Variants in DNAH11 observed in about 807,000 individuals in gnomAD.
DNAH11 encodes axonemal beta dynein heavy chain 11.
Under a neutral mutation model 526.0 loss-of-function variants are expected in DNAH11, and 442 were observed. That is an observed-to-expected ratio of 0.84 (90% CI 0.78 to 0.91). DNAH11 has a LOEUF of 0.91. Among genes scored for constraint, DNAH11 ranks in the 40% least tolerant of loss-of-function variants. The pLI, the probability that DNAH11 is intolerant of heterozygous loss-of-function variation, is 0.00. For synonymous variants in DNAH11, 2,461 were observed against 1,935.9 expected, an observed-to-expected ratio of 1.27 and a Z score of -7.12; for missense variants, 6,989 against 5,448.7, an observed-to-expected ratio of 1.28 and a Z score of -8.90.
rs760400011 is a variant in DNAH11 at position 21,571,896 on chromosome 7, G to A, written c.1516G>A (p.Glu506Lys). Residue 506 changes from glutamate to lysine, a missense_variant, in exon 8 of 82, where the codon GAG becomes AAG. Glu to Lys is a moderately conservative substitution (Grantham distance 56). Coordinates refer to ENST00000409508, the MANE Select transcript of DNAH11 (RefSeq NM_001277115.2). ...AGCAATTTTAAATGGACAAGTCCAC[G>A]AGATGAGTGAAGAACTTATGGAACT... ...KGAILNGQVH[E>K]MSEELMELCK... 6 of 1,612,822 alleles carry A rather than the reference G, an allele frequency of 3.7e-6. No homozygotes were observed. The highest frequency in any genetic ancestry group is 1.3e-5 in the African/African-American group (1 of 74,884).
intron 61 of DNAH11, among the ~76,000 whole-genome samples, chr7:21,794,038 G>T (rs527390225): frequency 6.6e-6 from 1 of 152,194 alleles, no homozygotes; most frequent in Admixed American, 6.5e-5. Context: ...TACTCATTCT[G>T]CTCTTTAAAG....
chr7:21,750,754 G>C (rs186531470), intron 54 of DNAH11, among the ~76,000 whole-genome samples: 1 of 152,310 alleles, frequency 6.6e-6, no homozygotes, highest in African/African-American at 2.4e-5. Context: ...TGGGCCACGT[G>C]TTTAGCATGG....
chr7:21,786,462 A>C (rs570511849), intron 58 of DNAH11, among the ~76,000 whole-genome samples, 162 bp from the exon 59 acceptor site: 203 of 152,292 alleles, frequency 1.3e-3, no homozygotes, highest in African/African-American at 4.4e-3. Context: ...AACCTCCTGG[A>C]GTTCCAAGGT....
At chr7:21,578,988 A>C (rs565753780) in intron 8 of DNAH11, among the ~76,000 whole-genome samples, 138 of 152,292 alleles carry the variant, frequency 9.1e-4, no homozygotes, top group Non-Finnish European at 1.7e-3. Flanking sequence ...TTCTCACAAC[A>C]ACCATCCAGT....
At chr7:21,682,515 G>T (rs1026991056) in intron 31 of DNAH11, among the ~76,000 whole-genome samples, 1 of 113,568 alleles carries the variant, frequency 8.8e-6, no homozygotes, top group Non-Finnish European at 1.7e-5. Context: ...GACAGAGCGA[G>T]ACTCCATCTC....
At chr7:21,606,843 T>G in intron 20 of DNAH11, 110 bp downstream of exon 20, 1 of 984,178 alleles carries the variant, frequency 1.0e-6, no homozygotes, top group Non-Finnish European at 1.5e-6. Context: ...GTTATAGGAA[T>G]TGATTTATTT....
rs1323005138 is a variant in DNAH11 at position 21,852,330 on chromosome 7, C to T, written c.10897-137C>T. The stretch of plus-strand genomic sequence containing the variant: ...GCTGAGGCAGGAGAATCGCTTTAAC[C>T]CAGGAGGCACACGTCGCAGTGAGCC... On this transcript the variant is annotated intron_variant, in intron 66 of 81. Coordinates refer to ENST00000409508, the MANE Select transcript of DNAH11 (RefSeq NM_001277115.2). 1.0e-5 allele frequency: 8 copies of T among 792,590 alleles called. No individual in the cohort carries two copies. In the East Asian group the frequency reaches 2.1e-4, roughly 21 times the overall value. The allele number at this position is 792,590 out of a possible 1,614,324, so 49.1% of individuals were successfully genotyped here. A position where few individuals can be genotyped will look rare whatever the true frequency, so the allele number is the denominator to read the frequency against.
rs776182761 is a variant in DNAH11 at position 21,789,221 on chromosome 7, A to G, written c.9925-20A>G. ...GATTACTTATCCTCTTTGTATCTGT[A>G]TTAATTCATGAATTTTCAGGTCTAC... is the stretch of plus-strand genomic sequence containing the variant. On this transcript the variant is annotated intron_variant, in intron 60 of 81. Coordinates refer to ENST00000409508, the MANE Select transcript of DNAH11 (RefSeq NM_001277115.2). 5 of 1,516,834 alleles carry G rather than the reference A, an allele frequency of 3.3e-6. No homozygotes were observed. In the East Asian group the frequency reaches 1.2e-4, roughly 37 times the overall value. The allele number at this position is 1,516,834 out of a possible 1,614,324, so 94.0% of individuals were successfully genotyped here.
intron 76 of DNAH11, among the ~76,000 whole-genome samples, chr7:21,886,713 C>A (rs969370549): frequency 2.6e-5 from 4 of 152,108 alleles, no homozygotes; most frequent in Admixed American, 6.5e-5. Context: ...TTGCCAAATG[C>A]AGCAGTCCAT....
At position 21,735,818 on chromosome 7, in the gene DNAH11, AC is replaced by A. The variant is rs761253001; in HGVS notation, c.7620del (p.Tyr2541ThrfsTer15). 2 of 1,612,796 alleles carry A rather than the reference AC, an allele frequency of 1.2e-6. No individual in the cohort carries two copies. The highest frequency in any genetic ancestry group is 1.7e-6 in the Non-Finnish European group (2 of 1,179,110). On this transcript the variant is annotated frameshift_variant, in exon 46 of 82. Coordinates refer to ENST00000409508, the MANE Select transcript of DNAH11 (RefSeq NM_001277115.2). LOFTEE classifies it high-confidence loss of function. Reference sequence around the variant, plus strand: ...ATAGTATCCCGTGTGCCTTTCAACTACTACACGACATCCACAGCTCTGCAAA... The same window carrying A: ...ATAGTATCCCGTGTGCCTTTCAACTATACACGACATCCACAGCTCTGCAAA... Reference protein sequence around the residue: ...DYIVSRVPFNYYTTSTALQKI... With the variant: ...DYIVSRVPFNXYTTSTALQKI...
At position 21,732,693 on chromosome 7, in the gene DNAH11, G is replaced by C. The variant is rs532300984; in HGVS notation, c.7441-2947G>C. ...TAATCACAATGCAGATTAATTCTGT[G>C]ACCTGGTGGAATCACCAAGGATTGT... On this transcript the variant is annotated intron_variant, in intron 45 of 81. Transcript: ENST00000409508. 2.1e-3 allele frequency among the ~76,000 whole-genome samples: 315 copies of C among 152,308 alleles called. 2 individuals are homozygous for C. Among genetic ancestry groups the C allele is most frequent in the African/African-American group, 7.3e-3 (303 of 41,574 alleles).
At chr7:21,764,552 A>G (rs191817540) in intron 54 of DNAH11, among the ~76,000 whole-genome samples, 80 of 152,284 alleles carry the variant, frequency 5.3e-4, no homozygotes, top group Admixed American at 1.6e-3. Context: ...ACTTGAGAAT[A>G]AAAGCAGAGA....
intron 28 of DNAH11, among the ~76,000 whole-genome samples, chr7:21,653,471 A>T (rs1781873571): frequency 6.6e-6 from 1 of 152,158 alleles, no homozygotes; most frequent in African/African-American, 2.4e-5. Context: ...AGTTCTTGAA[A>T]TTATTTTCTC....
In DNAH11 at chr7:21,738,716, C is replaced by T. The variant is rs1219603778; in HGVS notation, c.7661C>T (p.Pro2554Leu). 6.3e-7 allele frequency: 1 copy of T among 1,575,984 alleles called. No individual in the cohort carries two copies. Among genetic ancestry groups the T allele is most frequent in the East Asian group, 2.3e-5 (1 of 43,566 alleles). Residue 2554 changes from proline (P) to leucine (L), a missense_variant, in exon 47 of 82, where the codon CCC (proline) becomes CTC (leucine). Physicochemically the swap from Pro to Leu is moderately conservative, Grantham distance 98 (BLOSUM62 -3). Coordinates refer to ENST00000409508, the MANE Select transcript of DNAH11 (RefSeq NM_001277115.2). ...TTTATTTCAGAAATTCTTGAGAAAC[C>T]CCTAGAGAAAAAAGCTGGTCATAAC... ...STALQKILEKPLEKKAGHNYG... is the reference protein window; with the variant it reads ...STALQKILEKLLEKKAGHNYG...
Position 21,659,026 on chromosome 7 carries a change from A to G in DNAH11, c.5323A>G (p.Lys1775Glu). The G allele has an allele frequency of 1.3e-6, 2 of 1,588,196 alleles. No homozygotes were observed. Among genetic ancestry groups the G allele is most frequent in the Non-Finnish European group, 1.7e-6 (2 of 1,167,752 alleles). The change falls in exon 30 of 82, where the codon AAA (lysine) becomes GAA (glutamate). Residue 1775 changes from lysine to glutamate, a missense_variant. Coordinates refer to ENST00000409508, the MANE Select transcript of DNAH11 (RefSeq NM_001277115.2). The stretch of plus-strand genomic sequence containing the variant: ...AACAGCCCTGAAGGATTTCCATAAA[A>G]AACAGGTATTACATAGATTTGTGAT... ...YETALKDFHKKQISQLNTLIT... is the reference protein window; with the variant it reads ...YETALKDFHKEQISQLNTLIT...
At chr7:21,861,468 G>C (rs1783061748) in intron 68 of DNAH11, among the ~76,000 whole-genome samples, 1 of 152,204 alleles carries the variant, frequency 6.6e-6, no homozygotes, top group Non-Finnish European at 1.5e-5. Flanking sequence ...GGTTACACAA[G>C]AATGTGACTA....
chr7:21,815,755 T>G (rs1789756299), intron 63 of DNAH11, among the ~76,000 whole-genome samples: 1 of 152,226 alleles, frequency 6.6e-6, no homozygotes, highest in South Asian at 2.1e-4. Flanking sequence ...ATATACATTC[T>G]TTAATACAAT....
At chr7:21,647,284 C>G (rs1248810325) in intron 28 of DNAH11, among the ~76,000 whole-genome samples, 1 of 152,050 alleles carries the variant, frequency 6.6e-6, no homozygotes, top group Non-Finnish European at 1.5e-5. Context: ...CCAAATTGCT[C>G]AGATTGGTCA....
intron 28 of DNAH11, among the ~76,000 whole-genome samples, chr7:21,651,786 C>T (rs994372016): frequency 3.3e-5 from 5 of 152,226 alleles, no homozygotes; most frequent in African/African-American, 9.6e-5. Flanking sequence ...TAAATTAACT[C>T]TTGAGTGATT....
Sources: allele counts gnomAD v4.1 joint callset (sites outside exome capture counted in the v4.1 genomes callset), GRCh38; gene constraint gnomAD v4.1.1; transcripts MANE v1.5; gene names NCBI Gene and HGNC (gene_info 2026-07-23, HGNC 2026-07-21).